Variants in ERN1 observed in about 807,000 individuals in gnomAD.
ERN1 encodes endoplasmic reticulum to nucleus signaling 1.
ERN1 carries 39 observed loss-of-function variants against 113.1 expected under a neutral mutation model. The observed-to-expected ratio is 0.34, with a 90% CI of 0.27 to 0.45. The LOEUF (loss-of-function observed/expected upper bound fraction) is 0.45. Ranked by LOEUF, ERN1 falls within the 20% of genes least tolerant of loss-of-function variation. The pLI, the probability that ERN1 is intolerant of heterozygous loss-of-function variation, is 1.00. For synonymous variants in ERN1, 507 were observed against 515.9 expected (o/e 0.98, Z 0.23); for missense variants, 976 against 1,274.8 (o/e 0.77, Z 3.57).
chr17:64,068,825 C>A (rs537195005), intron 6 of ERN1, among the ~76,000 whole-genome samples: 1 of 152,262 alleles, frequency 6.6e-6, no homozygotes, highest in South Asian at 2.1e-4. Flanking sequence ...ATGACTATTG[C>A]TTGCAGTAAC....
At chr17:64,097,997 A>G (rs1387682559) in intron 2 of ERN1, 124 bp downstream of exon 2, 9 of 1,282,730 alleles carry the variant, frequency 7.0e-6, no homozygotes, top group South Asian at 1.5e-5. Flanking sequence ...TCTTGATCCC[A>G]TTCTTCTTTA....
At chr17:64,045,317 G>A (rs196917) in intron 20 of ERN1, 42 bp downstream of exon 20, 1,587,681 of 1,612,142 alleles carry the variant, frequency 0.98, 784,834 homozygotes, top group East Asian at 1. Flanking sequence ...AGGCGGCAGC[G>A]ACTTTTGCAA....
chr17:64,107,559 CA>C (rs1157520984), intron 1 of ERN1, among the ~76,000 whole-genome samples: 7 of 152,256 alleles, frequency 4.6e-5, no homozygotes, highest in East Asian at 1.9e-4. Flanking sequence ...TGGGCTCAAG[CA>C]ATCTTCCCGC....
At chr17:64,129,802 G>A in intron 1 of ERN1, 174 bp downstream of exon 1, 1 of 507,846 alleles carries the variant, frequency 2.0e-6, no homozygotes, top group Non-Finnish European at 3.1e-6. Flanking sequence ...AGCTCTCCCG[G>A]CCCGGTGCCG....
intron 10 of ERN1, among the ~76,000 whole-genome samples, chr17:64,061,110 G>A (rs1198398540): frequency 6.6e-6 from 1 of 152,198 alleles, no homozygotes; most frequent in Non-Finnish European, 1.5e-5. Flanking sequence ...ACACCTGCTA[G>A]ATGGATGGGG....
At chr17:64,051,465 A>G (rs1912681581) in intron 17 of ERN1, among the ~76,000 whole-genome samples, 1 of 152,252 alleles carries the variant, frequency 6.6e-6, no homozygotes, top group African/African-American at 2.4e-5. Flanking sequence ...TTTCTGATGT[A>G]GAGACCTGCC....
chr17:64,057,984 G>C lies in ERN1; in HGVS notation c.1216C>G (p.Leu406Val), dbSNP rs758416835. Residue 406 changes from leucine (L) to valine (V), a missense_variant, in exon 12 of 22, where the codon CTG (leucine) becomes GTG (valine). Physicochemically the swap from Leu to Val is conservative, Grantham distance 32. Coordinates refer to ENST00000433197, the MANE Select transcript of ERN1 (RefSeq NM_001433.5). Reference protein sequence around the residue: ...EKKSFEEVINLVDQTSENAPT... With the variant: ...EKKSFEEVINVVDQTSENAPT... ...GCGTTTTCTGAAGTCTGGTCAACCA[G>C]GTTGATAACCTTGCATGGGAGAGAG... The C allele has an allele frequency of 3.8e-6, 6 of 1,564,480 alleles. No homozygotes were observed. In the South Asian group the frequency reaches 4.8e-5, roughly 12 times the overall value.
chr17:64,117,827 T>G (rs1266998092), intron 1 of ERN1, among the ~76,000 whole-genome samples: 1 of 152,194 alleles, frequency 6.6e-6, no homozygotes, highest in Non-Finnish European at 1.5e-5. Flanking sequence ...CCCTGCAGAA[T>G]TTTATCACCT....
chr17:64,079,638 C>CA, intron 4 of ERN1, 24 bp downstream of exon 4: 1 of 1,599,742 alleles, frequency 6.3e-7, no homozygotes, highest in South Asian at 1.1e-5. Context: ...CCCTGGAGTA[C>CA]AAAAAGCAGC....
At chr17:64,048,869 G>A (rs150922424) in intron 18 of ERN1, among the ~76,000 whole-genome samples, 186 bp downstream of exon 18, 249 of 152,222 alleles carry the variant, frequency 1.6e-3, no homozygotes, top group African/African-American at 5.4e-3. Flanking sequence ...AGAAGGTGGC[G>A]CCCCAGAGAT....
chr17:64,088,721 C>T (rs191698998), intron 2 of ERN1, among the ~76,000 whole-genome samples: 5 of 152,254 alleles, frequency 3.3e-5, no homozygotes, highest in Admixed American at 2.0e-4. Flanking sequence ...CCACACATAA[C>T]GAACTGCTAG....
chr17:64,105,008 G>A (rs547330552), intron 1 of ERN1, among the ~76,000 whole-genome samples: 15 of 145,966 alleles, frequency 1.0e-4, no homozygotes, highest in African/African-American at 3.0e-4. Flanking sequence ...AAAAAAAGGC[G>A]TGTACACACA....
At chr17:64,108,400 G>T (rs546479567) in intron 1 of ERN1, among the ~76,000 whole-genome samples, 5 of 152,266 alleles carry the variant, frequency 3.3e-5, no homozygotes, top group African/African-American at 1.2e-4. Context: ...ATTGGAAGAA[G>T]AAACATATCT....
rs577782490 is a variant in ERN1, at chr17:64,114,815, A to G, written c.54+15161T>C. On this transcript the variant is annotated intron_variant, in intron 1 of 21. Coordinates refer to ENST00000433197, the MANE Select transcript of ERN1 (RefSeq NM_001433.5). The stretch of plus-strand genomic sequence containing the variant: ...CTCCAGTGTTTTAATTTATACTAAC[A>G]TTCGACTGATGTTGCCTAGCTGGTT... Among the ~76,000 whole-genome samples the G allele has an allele frequency of 1.2e-3, 176 of 152,288 alleles. 2 individuals are homozygous for G. The highest frequency in any genetic ancestry group is 4.1e-3 in the African/African-American group (170 of 41,550).
In ERN1 at chr17:64,072,610, G is replaced by A. The variant is rs993879574; in HGVS notation, c.356-507C>T. 7.2e-5 allele frequency among the ~76,000 whole-genome samples: 11 copies of A among 152,250 alleles called. No homozygotes were observed. The East Asian group carries it at 2.1e-3, about 29-fold the overall frequency. ...AACTAGTACCTGGGACTGGTCAGTG[G>A]AGTTGGTTGCAACCTGATGCTAAGG... On this transcript the variant is annotated intron_variant, in intron 5 of 21. Transcript: ENST00000433197.
chr17:64,099,633 G>C (rs1914328743), intron 1 of ERN1, among the ~76,000 whole-genome samples: 1 of 151,996 alleles, frequency 6.6e-6, no homozygotes, highest in Non-Finnish European at 1.5e-5. Context: ...AATGTAAAAG[G>C]ATTGGGGTTA....
intron 1 of ERN1, among the ~76,000 whole-genome samples, chr17:64,109,975 A>C (rs1914631078): frequency 6.6e-6 from 1 of 152,212 alleles, no homozygotes; most frequent in East Asian, 1.9e-4. Context: ...GGATGAGACC[A>C]AAATGTAATT....
intron 11 of ERN1, among the ~76,000 whole-genome samples, chr17:64,059,586 C>G (rs1332607204): frequency 6.6e-6 from 1 of 152,242 alleles, no homozygotes; most frequent in Non-Finnish European, 1.5e-5. Flanking sequence ...GCTTCCCCAA[C>G]CCCCTGGGGT....
In ERN1 at chr17:64,130,037, A is replaced by C; in HGVS notation, c.-8T>G. On this transcript the variant is annotated 5_prime_UTR_variant, in exon 1 of 22. Coordinates refer to ENST00000433197, the MANE Select transcript of ERN1 (RefSeq NM_001433.5). This position sits in a 1 kb window ranked among gnomAD's most constrained non-coding sequence, Gnocchi z 4.0. ...CAGCCGCCGGGCCGGCATGGCGAGGACTCGGCCCTGGCTCCGGGGGCGGTA... is the reference window on the plus strand; with the variant it reads ...CAGCCGCCGGGCCGGCATGGCGAGGCCTCGGCCCTGGCTCCGGGGGCGGTA... 4.2e-6 allele frequency: 6 copies of C among 1,413,052 alleles called. No individual in the cohort carries two copies. The highest frequency in any genetic ancestry group is 5.5e-6 in the Non-Finnish European group (6 of 1,090,828). 87.5% of individuals were successfully genotyped at this position (1,413,052 alleles called of 1,614,324 possible).
Sources: allele counts gnomAD v4.1 joint callset (sites outside exome capture counted in the v4.1 genomes callset), GRCh38; gene constraint gnomAD v4.1.1; non-coding constraint Gnocchi (gnomAD v3.1); transcripts MANE v1.5; gene names NCBI Gene and HGNC (gene_info 2026-07-23, HGNC 2026-07-21).